The following RAI1 variants were observed in gnomAD, a reference collection of about 807,000 sequenced individuals.
RAI1 encodes the protein retinoic acid induced 1.
A neutral mutation model predicts 123.8 loss-of-function variants in RAI1; 9 were observed. The observed-to-expected ratio is 0.07, with a 90% CI of 0.04 to 0.13. The LOEUF (loss-of-function observed/expected upper bound fraction) is 0.13, where lower values mean the gene tolerates loss of function less well. RAI1 is among the 10% of genes least tolerant of loss of function. RAI1 has a pLI of 1.00. For missense variants in RAI1, 2,256 were observed against 2,545.8 expected, an observed-to-expected ratio of 0.89 and a Z score of 2.45; for synonymous variants, 1,231 against 1,127.3, an observed-to-expected ratio of 1.09 and a Z score of -1.84.
In RAI1 at chr17:17,779,145, C is replaced by T. The variant is rs138442878; in HGVS notation, c.-16-13788C>T. 1,105 of 340,092 alleles carry T rather than the reference C, an allele frequency of 3.2e-3. 11 individuals are homozygous for T. Among genetic ancestry groups the T allele is most frequent in the African/African-American group, 0.019 (887 of 46,590 alleles). The allele number at this position is 340,092 out of a possible 1,614,324, so 21.1% of individuals were successfully genotyped here. On this transcript the variant is annotated intron_variant, in intron 2 of 5. Transcript: ENST00000353383. Reference sequence around the variant, plus strand: ...TTCAGACACAAGACAAGGCATCAGCCGACAACCAAAGGCAAATATTTTCCG... The same window carrying T: ...TTCAGACACAAGACAAGGCATCAGCTGACAACCAAAGGCAAATATTTTCCG...
chr17:17,725,336 C>T (rs979056251), intron 2 of RAI1, among the ~76,000 whole-genome samples: 1 of 152,150 alleles, frequency 6.6e-6, no homozygotes, highest in South Asian at 2.1e-4. Flanking sequence ...AAGTGTTTGT[C>T]TCCTGCGATC....
At chr17:17,760,730 A>G (rs2030657667) in intron 2 of RAI1, among the ~76,000 whole-genome samples, 2 of 152,246 alleles carry the variant, frequency 1.3e-5, no homozygotes, top group African/African-American at 4.8e-5. Flanking sequence ...AATGTGTTCC[A>G]GGTGCTGGTG....
intron 2 of RAI1, chr17:17,779,602 T>C (rs927725281): frequency 1.1e-4 from 16 of 152,344 alleles, no homozygotes; most frequent in African/African-American, 3.9e-4. Flanking sequence ...GTATTTGGTC[T>C]ACAGATGAAG....
chr17:17,777,960 T>C (rs1487127521), intron 2 of RAI1: 1 of 152,228 alleles, frequency 6.6e-6, no homozygotes, highest in Non-Finnish European at 1.5e-5. Flanking sequence ...GGGTGCTCCT[T>C]GGACAGGACA....
intron 1 of RAI1, among the ~76,000 whole-genome samples, chr17:17,695,792 G>C (rs140786034): frequency 0.016 from 2,415 of 152,166 alleles, 29 homozygotes; most frequent in Non-Finnish European, 0.026. Context: ...TAAGTACTGG[G>C]ATTGCAGGTG....
intron 2 of RAI1, among the ~76,000 whole-genome samples, chr17:17,754,751 G>A (rs571500321): frequency 6.6e-6 from 1 of 152,338 alleles, no homozygotes; most frequent in South Asian, 2.1e-4. Context: ...AGTGGTTGGG[G>A]GGCTGCCACC....
At chr17:17,755,415 G>A (rs1332771733) in intron 2 of RAI1, among the ~76,000 whole-genome samples, 1 of 152,204 alleles carries the variant, frequency 6.6e-6, no homozygotes, top group East Asian at 1.9e-4. Flanking sequence ...CACTTGGCAG[G>A]GTGAGTTGGC....
At position 17,795,899 on chromosome 17, in the gene RAI1, C is replaced by A. The variant is rs371644042; in HGVS notation, c.2951C>A (p.Ala984Glu). Reference sequence around the variant, plus strand: ...CCCAACAAGCCTGCTGTGCCCGAGGCGCCCATCGCAAAGAAAGAGCCTGTG... The same window carrying A: ...CCCAACAAGCCTGCTGTGCCCGAGGAGCCCATCGCAAAGAAAGAGCCTGTG... ...QKPNKPAVPE[A>E]PIAKKEPVPR... The change falls in exon 3 of 6, where the codon GCG becomes GAG. Residue 984 changes from alanine to glutamate, a missense_variant. Transcript: ENST00000353383. The surrounding 1 kb of genome is among the most constrained non-coding windows in gnomAD (Gnocchi z 5.9). 1.6e-5 allele frequency: 26 copies of A among 1,611,252 alleles called. No homozygotes were observed. Among genetic ancestry groups the A allele is most frequent in the Non-Finnish European group, 2.2e-5 (26 of 1,179,848 alleles).
intron 2 of RAI1, among the ~76,000 whole-genome samples, chr17:17,746,063 T>C (rs1406338840): frequency 1.3e-5 from 2 of 151,746 alleles, no homozygotes; most frequent in Non-Finnish European, 2.9e-5. Context: ...AGGCCACCAT[T>C]GCCCCTTTCT....
intron 2 of RAI1, among the ~76,000 whole-genome samples, chr17:17,763,235 T>C (rs939558374): frequency 6.6e-6 from 1 of 152,144 alleles, no homozygotes; most frequent in African/African-American, 2.4e-5. Context: ...CAGAGCTTGC[T>C]AGCCATGTGG....
intron 2 of RAI1, among the ~76,000 whole-genome samples, chr17:17,736,243 C>T (rs1916428014): frequency 6.6e-6 from 1 of 152,144 alleles, no homozygotes; most frequent in Admixed American, 6.5e-5. Flanking sequence ...CCGCCTCTGT[C>T]CTGGTTCATT....
At chr17:17,693,624 CCCTT>C (rs756367986) in intron 1 of RAI1, among the ~76,000 whole-genome samples, 5 of 152,254 alleles carry the variant, frequency 3.3e-5, no homozygotes, top group Non-Finnish European at 5.9e-5. Flanking sequence ...GCCCCTCCTT[CCCTT>C]CAGCTGGCTG....
intron 2 of RAI1, among the ~76,000 whole-genome samples, chr17:17,744,355 A>G (rs1333577180): frequency 6.6e-6 from 1 of 152,216 alleles, no homozygotes. Context: ...CAGGGTGGCC[A>G]TGAGGGTCAG....
chr17:17,772,321 G>C (rs1173314913), intron 2 of RAI1, among the ~76,000 whole-genome samples: 1 of 152,132 alleles, frequency 6.6e-6, no homozygotes, highest in Non-Finnish European at 1.5e-5. Context: ...ACTTTGGTCT[G>C]GCCCCATTAT....
At chr17:17,732,661 T>C (rs1916308587) in intron 2 of RAI1, among the ~76,000 whole-genome samples, 1 of 152,148 alleles carries the variant, frequency 6.6e-6, no homozygotes, top group Non-Finnish European at 1.5e-5. Context: ...TGGGCTCTAT[T>C]ATCATCCCTA....
chr17:17,776,443 T>G (rs1463243594), intron 2 of RAI1, among the ~76,000 whole-genome samples: 1 of 152,136 alleles, frequency 6.6e-6, no homozygotes, highest in East Asian at 1.9e-4. Flanking sequence ...CGATCTCAGC[T>G]TACTGCAGCC....
Position 17,797,801 on chromosome 17 carries a change from G to A in RAI1, c.4853G>A (p.Gly1618Glu). 1 of 1,614,016 alleles carries A rather than the reference G, an allele frequency of 6.2e-7. No homozygotes were observed. Among genetic ancestry groups the A allele is most frequent in the South Asian group, 1.1e-5 (1 of 91,090 alleles). ...ATATGCACTGTTGTCAACTCCCCTG[G>A]AGATGCGCCCAAGCCCCACAGGAAG... is the stretch of plus-strand genomic sequence containing the variant. ...TTICTVVNSPGDAPKPHRKPS... is the reference protein window; with the variant it reads ...TTICTVVNSPEDAPKPHRKPS... Residue 1618 changes from glycine to glutamate, a missense_variant, in exon 3 of 6, where the codon GGA becomes GAA. Coordinates refer to ENST00000353383, the MANE Select transcript of RAI1 (RefSeq NM_030665.4).
intron 2 of RAI1, among the ~76,000 whole-genome samples, chr17:17,751,514 AAAG>A (rs2030169436): frequency 6.6e-6 from 1 of 152,346 alleles, no homozygotes; most frequent in South Asian, 2.1e-4. Context: ...GGTAGCAAAA[AAAG>A]AAGGAAGGTG....
At chr17:17,762,317 A>G (rs1423662719) in intron 2 of RAI1, among the ~76,000 whole-genome samples, 1 of 152,092 alleles carries the variant, frequency 6.6e-6, no homozygotes, top group Non-Finnish European at 1.5e-5. Context: ...AGGGAACAGC[A>G]TGTGCAAAGG....
Sources: allele counts gnomAD v4.1 joint callset (sites outside exome capture counted in the v4.1 genomes callset), GRCh38; gene constraint gnomAD v4.1.1; non-coding constraint Gnocchi (gnomAD v3.1); transcripts MANE v1.5; gene names NCBI Gene and HGNC (gene_info 2026-07-23, HGNC 2026-07-21).